PDGFC: variants seen among roughly 807,000 people sequenced by gnomAD.
PDGFC encodes the protein platelet-derived growth factor C.
In PDGFC, 12 loss-of-function variants were observed where a neutral mutation model predicts 35.5. That is an observed-to-expected ratio of 0.34 (90% CI 0.22 to 0.55). The LOEUF (loss-of-function observed/expected upper bound fraction) is 0.55. PDGFC is among the 20% of genes least tolerant of loss of function. PDGFC has a pLI of 0.91. For synonymous variants in PDGFC, 159 were observed against 148.8 expected, an observed-to-expected ratio of 1.07 and a Z score of -0.50; for missense variants, 322 against 412.4, an observed-to-expected ratio of 0.78 and a Z score of 1.90.
intron 1 of PDGFC, among the ~76,000 whole-genome samples, chr4:156,969,836 A>G (rs1453259734): frequency 6.6e-6 from 1 of 152,228 alleles, no homozygotes; most frequent in Non-Finnish European, 1.5e-5. Flanking sequence ...CCAATTTTAG[A>G]CAGCCTAACA....
chr4:156,956,238 T>C (rs1003442097), intron 1 of PDGFC, among the ~76,000 whole-genome samples: 6 of 152,006 alleles, frequency 3.9e-5, no homozygotes, highest in African/African-American at 1.4e-4. Flanking sequence ...AGGTCAGTTT[T>C]GTGTAATTTT....
chr4:156,935,832 C>T (rs775835623), intron 1 of PDGFC, among the ~76,000 whole-genome samples: 5 of 152,140 alleles, frequency 3.3e-5, no homozygotes, highest in East Asian at 1.9e-4. Context: ...TGAGACTACA[C>T]TGTATATGCT....
At chr4:156,797,689 C>T (rs777181581) in intron 3 of PDGFC, among the ~76,000 whole-genome samples, 20 of 152,252 alleles carry the variant, frequency 1.3e-4, no homozygotes, top group Admixed American at 4.6e-4. Context: ...TTGTGTTAGA[C>T]GGCATTGAAA....
chr4:156,914,899 T>C (rs971010464), intron 1 of PDGFC, among the ~76,000 whole-genome samples: 2 of 152,158 alleles, frequency 1.3e-5, no homozygotes, highest in Admixed American at 6.5e-5. Flanking sequence ...ATACCCAGGA[T>C]TGGATAAAAT....
intron 1 of PDGFC, among the ~76,000 whole-genome samples, chr4:156,916,033 T>C (rs1466652343): frequency 6.6e-6 from 1 of 152,056 alleles, no homozygotes; most frequent in South Asian, 2.1e-4. Context: ...ACTTCTACAA[T>C]GGCCAAAAGA....
chr4:156,796,625 A>C (rs1731449844), intron 3 of PDGFC, among the ~76,000 whole-genome samples: 1 of 150,540 alleles, frequency 6.6e-6, no homozygotes, highest in Admixed American at 6.7e-5. Context: ...GGATTTCACT[A>C]TAATTTTTCC....
chr4:156,774,782 T>C (rs1234280731), intron 3 of PDGFC, among the ~76,000 whole-genome samples: 1 of 151,988 alleles, frequency 6.6e-6, no homozygotes, highest in Non-Finnish European at 1.5e-5. Flanking sequence ...ATTACTCACA[T>C]GTACTTTCCA....
In PDGFC at chr4:156,931,554, T is replaced by A. The variant is rs1452974644; in HGVS notation, c.118+39232A>T. ...CAACCCACAGTAATCTTCAAGAGCA[T>A]CACACCTTAACTGTTTATTAGAGCT... On this transcript the variant is annotated intron_variant, in intron 1 of 5. Coordinates refer to ENST00000502773, the MANE Select transcript of PDGFC (RefSeq NM_016205.3). 2.6e-5 allele frequency among the ~76,000 whole-genome samples: 4 copies of A among 152,154 alleles called. 1 individual carries two copies. In the East Asian group the frequency reaches 5.8e-4, roughly 22 times the overall value.
In PDGFC at chr4:156,898,566, C is replaced by T. The variant is rs116011638; in HGVS notation, c.119-48150G>A. ...TGTGTTTGCTCTGTCATTTTTGTTC[C>T]AGAGGAAGAGGCATTTGTCCTCTTA... is the stretch of plus-strand genomic sequence containing the variant. On this transcript the variant is annotated intron_variant, in intron 1 of 5. Transcript: ENST00000502773. Among the ~76,000 whole-genome samples the T allele has an allele frequency of 8.0e-3, 1,224 of 152,222 alleles. 12 individuals are homozygous for T. The highest frequency in any genetic ancestry group is 0.027 in the African/African-American group (1,126 of 41,536).
chr4:156,869,236 A>G (rs1282477420), intron 1 of PDGFC, among the ~76,000 whole-genome samples: 3 of 152,080 alleles, frequency 2.0e-5, no homozygotes, highest in African/African-American at 7.2e-5. Flanking sequence ...GATCGAGACC[A>G]TCCTGGCTAA....
At chr4:156,875,141 G>A (rs928748102) in intron 1 of PDGFC, among the ~76,000 whole-genome samples, 25 of 152,240 alleles carry the variant, frequency 1.6e-4, no homozygotes, top group African/African-American at 6.0e-4. Context: ...ATGAGTGAAA[G>A]AAGAAAGAAA....
chr4:156,917,810 G>A (rs577332058), intron 1 of PDGFC, among the ~76,000 whole-genome samples: 240 of 152,260 alleles, frequency 1.6e-3, no homozygotes, highest in Non-Finnish European at 2.7e-3. Context: ...GGATGCTAAA[G>A]GACCACTTCG....
intron 1 of PDGFC, among the ~76,000 whole-genome samples, chr4:156,851,773 T>C (rs1014316909): frequency 6.6e-6 from 1 of 151,130 alleles, no homozygotes; most frequent in Non-Finnish European, 1.5e-5. Context: ...CTACTAAAAA[T>C]ACAAAAAATT....
intron 2 of PDGFC, among the ~76,000 whole-genome samples, chr4:156,847,493 T>G (rs921168112): frequency 6.6e-6 from 1 of 151,818 alleles, no homozygotes; most frequent in Non-Finnish European, 1.5e-5. Flanking sequence ...TCAGAGATTC[T>G]AGGTGACTAA....
intron 1 of PDGFC, among the ~76,000 whole-genome samples, chr4:156,865,248 T>G (rs1442090579): frequency 6.6e-6 from 1 of 151,462 alleles, no homozygotes; most frequent in African/African-American, 2.4e-5. Context: ...TGGTCCAGCA[T>G]GAACACAGGG....
intron 1 of PDGFC, among the ~76,000 whole-genome samples, chr4:156,945,272 T>C (rs1284174011): frequency 6.8e-6 from 1 of 147,288 alleles, no homozygotes; most frequent in Non-Finnish European, 1.5e-5. Flanking sequence ...GTTAAATGAA[T>C]AATAAACAGA....
chr4:156,898,850 G>T (rs573259001), intron 1 of PDGFC, among the ~76,000 whole-genome samples: 1 of 152,198 alleles, frequency 6.6e-6, no homozygotes, highest in Admixed American at 6.5e-5. Flanking sequence ...TAGAGATGGG[G>T]TTTCACATGT....
intron 3 of PDGFC, among the ~76,000 whole-genome samples, chr4:156,798,183 C>T (rs897598327): frequency 1.3e-5 from 2 of 152,164 alleles, no homozygotes; most frequent in Admixed American, 1.3e-4. Flanking sequence ...CAGAGCGAGA[C>T]TCCGTCACAA....
rs118078779 is a variant in PDGFC, at chr4:156,913,972, C to A, written c.118+56814G>T. 7.7e-3 allele frequency among the ~76,000 whole-genome samples: 1,178 copies of A among 152,214 alleles called. 14 individuals carry two copies. The highest frequency in any genetic ancestry group is 0.073 in the East Asian group (378 of 5,164). On this transcript the variant is annotated intron_variant, in intron 1 of 5. Transcript: ENST00000502773. ...GTATTAGGTACTGAGTCATCCCCTTCTAGAATCCCTGCTGGTTTTATGCAC... is the reference window on the plus strand; with the variant it reads ...GTATTAGGTACTGAGTCATCCCCTTATAGAATCCCTGCTGGTTTTATGCAC...
Sources: allele counts gnomAD v4.1 joint callset (sites outside exome capture counted in the v4.1 genomes callset), GRCh38; gene constraint gnomAD v4.1.1; transcripts MANE v1.5; gene names NCBI Gene and HGNC (gene_info 2026-07-23, HGNC 2026-07-21).